Variants in BRI3 observed in about 807,000 individuals in gnomAD.
BRI3 encodes brain protein I3.
BRI3 carries 6 observed loss-of-function variants against 12.8 expected under a neutral mutation model. The observed-to-expected ratio is 0.47, with a 90% CI of 0.26 to 0.93. The LOEUF is 0.93. BRI3 is among the 40% of genes least tolerant of loss of function. The probability of loss-of-function intolerance (pLI) is 0.15; values close to 1 mark genes in which losing one functional copy is unlikely to be tolerated. For synonymous variants in BRI3, 91 were observed against 76.1 expected (o/e 1.20, Z -1.02); for missense variants, 134 against 171.1 (o/e 0.78, Z 1.21).
intron 2 of BRI3, among the ~76,000 whole-genome samples, chr7:98,288,372 C>T (rs777356740): frequency 6.6e-6 from 1 of 152,078 alleles, no homozygotes; most frequent in Non-Finnish European, 1.5e-5. Context: ...GGGCGTGCTG[C>T]AGTCGGCAGG....
At chr7:98,290,178 GTTGTTTTTTT>G (rs1348482803) in intron 2 of BRI3, among the ~76,000 whole-genome samples, 9 of 92,280 alleles carry the variant, frequency 9.8e-5, no homozygotes, top group South Asian at 3.1e-4. Context: ...GCCTCTCAAG[GTTGTTTTTTT>G]TTTTTTTTTT....
chr7:98,305,010 C>A (rs941913535), upstream of BRI3, among the ~76,000 whole-genome samples: 2 of 149,210 alleles, frequency 1.3e-5, no homozygotes, highest in Non-Finnish European at 3.0e-5. Flanking sequence ...GGATTACAGG[C>A]GCCTGCCACC....
At chr7:98,295,249 C>T (rs541200723), downstream of BRI3, among the ~76,000 whole-genome samples, 6 of 152,286 alleles carry the variant, frequency 3.9e-5, no homozygotes, top group African/African-American at 7.2e-5. Context: ...GCTGTGGAGA[C>T]GGAAGGCAGT....
rs981105249 is a variant in BRI3 at position 98,291,536 on chromosome 7, G to A, written c.*293G>A. On this transcript the variant is annotated 3_prime_UTR_variant, in exon 3 of 3. Coordinates refer to ENST00000297290, the MANE Select transcript of BRI3 (RefSeq NM_015379.5). ...AGATTCATACCATTGTTGACCTGGT[G>A]CTGCTTACTCGGTGCTTTCAGAGAC... 8.5e-7 allele frequency: 1 copy of A among 1,178,180 alleles called. No homozygotes were observed. The allele number at this position is 1,178,180 out of a possible 1,614,324, so 73.0% of individuals were successfully genotyped here.
chr7:98,310,505 C>T (rs1390139204), downstream of BRI3: 8 of 1,606,518 alleles, frequency 5.0e-6, no homozygotes, highest in South Asian at 3.4e-5. Context: ...TTAAACATAT[C>T]GATCAAGGGA....
intron 1 of BRI3, among the ~76,000 whole-genome samples, chr7:98,298,926 C>T (rs942908672): frequency 8.5e-5 from 13 of 152,070 alleles, no homozygotes; most frequent in Non-Finnish European, 1.3e-4. Flanking sequence ...ACTGCAGCCT[C>T]GACCTCCTGG....
chr7:98,281,915 G>T lies in BRI3; in HGVS notation c.120G>T (p.Pro40=). 1 of 1,301,712 alleles carries T rather than the reference G, an allele frequency of 7.7e-7. No homozygotes were observed. The allele number at this position is 1,301,712 out of a possible 1,614,324, so 80.6% of individuals were successfully genotyped here. A position where few individuals can be genotyped will look rare whatever the true frequency, so the allele number is the denominator to read the frequency against. Residue 40 remains proline (P), a synonymous_variant, in exon 1 of 3, where the codon CCG becomes CCT. Coordinates refer to ENST00000297290, the MANE Select transcript of BRI3 (RefSeq NM_015379.5). The part of the protein sequence containing the change: ...YGAIPAAPPP[P]PYPYLVTGIP... ...CCATCCCCGCCGCGCCCCCGCCGCC[G>T]CCCTACCCCTACCTCGTCACAGGTG...
chr7:98,300,660 G>C (rs1451292512), intron 1 of BRI3, among the ~76,000 whole-genome samples: 2 of 152,108 alleles, frequency 1.3e-5, no homozygotes, highest in Admixed American at 1.3e-4. Flanking sequence ...CTCCCCAGGA[G>C]GTCCCAGCAC....
At chr7:98,299,074 G>A (rs1177663472) in intron 1 of BRI3, among the ~76,000 whole-genome samples, 1 of 151,934 alleles carries the variant, frequency 6.6e-6, no homozygotes, top group African/African-American at 2.4e-5. Flanking sequence ...GGAGTGCAGT[G>A]GCGTGATCTT....
At chr7:98,288,847 T>C (rs35941058) in intron 2 of BRI3, among the ~76,000 whole-genome samples, 60,868 of 151,696 alleles carry the variant, frequency 0.4, 13,346 homozygotes, top group Middle Eastern at 0.53. Flanking sequence ...CCGCCTCAGC[T>C]TCCCAAAGTG....
At chr7:98,287,225 C>T (rs1799740505) in intron 2 of BRI3, among the ~76,000 whole-genome samples, 1 of 152,192 alleles carries the variant, frequency 6.6e-6, no homozygotes, top group Non-Finnish European at 1.5e-5. Flanking sequence ...GGGGCCTTGG[C>T]CCTCCTACCC....
At chr7:98,304,099 G>A, upstream of BRI3, 1 of 1,305,540 alleles carries the variant, frequency 7.7e-7, no homozygotes, top group Non-Finnish European at 1.0e-6. Flanking sequence ...CTCCCCCTGG[G>A]GACAGAGCAG....
chr7:98,286,701 G>C lies in BRI3; in HGVS notation c.245+4248G>C, dbSNP rs1257234821. On this transcript the variant is annotated intron_variant, in intron 2 of 2. Transcript: ENST00000297290. ...AATCTGGATTGTGTTTCTCAGTTCA[G>C]AAGATTTGGGGTTTTAAAAAGTAAA... Among the ~76,000 whole-genome samples the C allele has an allele frequency of 2.0e-5, 3 of 152,370 alleles. No individual in the cohort carries two copies. The East Asian group carries it at 5.8e-4, about 29-fold the overall frequency.
intron 2 of BRI3, among the ~76,000 whole-genome samples, chr7:98,287,482 T>C (rs1799748559): frequency 6.6e-6 from 1 of 152,146 alleles, no homozygotes; most frequent in African/African-American, 2.4e-5. Context: ...GTTTGGCCCA[T>C]TGTGCTGCTT....
downstream of BRI3, chr7:98,293,393 A>T: frequency 1.2e-6 from 1 of 836,730 alleles, no homozygotes; most frequent in Non-Finnish European, 1.9e-6. Context: ...TGATTTGCTT[A>T]AGCAGGCGAC....
At chr7:98,293,918 G>C (rs543799925), downstream of BRI3, among the ~76,000 whole-genome samples, 96 of 152,344 alleles carry the variant, frequency 6.3e-4, no homozygotes, top group Non-Finnish European at 1.1e-3. Context: ...AAAGTAGTTG[G>C]TAAAGCGAGC....
the BRI3 span, chr7:98,317,106 G>A: frequency 1.5e-6 from 2 of 1,341,200 alleles, no homozygotes; most frequent in Non-Finnish European, 2.1e-6. Flanking sequence ...TACTGCCTCG[G>A]CCTCCCAAAG....
Position 98,301,519 on chromosome 7 carries a change from G to A in BRI3, c.72-4964G>A, listed in dbSNP as rs1254634639. Among the ~76,000 whole-genome samples, 5 of 149,280 alleles carry A rather than the reference G, an allele frequency of 3.3e-5. No individual in the cohort carries two copies. The South Asian group carries it at 8.4e-4, about 25-fold the overall frequency. ...TTTTAAGTGGAGACGGGATTTCACC[G>A]TGTTAGCCAGGATGGTTTTGATCTC... On this transcript the variant is annotated intron_variant and NMD_transcript_variant, in intron 1 of 2. Transcript: ENST00000491463.
the BRI3 span, among the ~76,000 whole-genome samples, chr7:98,316,225 T>C: frequency 6.6e-6 from 1 of 152,208 alleles, no homozygotes; most frequent in African/African-American, 2.4e-5. Flanking sequence ...TCCACCATGA[T>C]TGTGAGGCCT....
Sources: allele counts gnomAD v4.1 joint callset (sites outside exome capture counted in the v4.1 genomes callset), GRCh38; gene constraint gnomAD v4.1.1; transcripts MANE v1.5; gene names NCBI Gene and HGNC (gene_info 2026-07-23, HGNC 2026-07-21).